The following IGSF21 variants were observed in gnomAD, a reference collection of about 807,000 sequenced individuals.
IGSF21 encodes the protein immunoglobin superfamily member 21, also known as immunoglobulin superfamily member 21.
IGSF21 carries 28 observed loss-of-function variants against 46.8 expected under a neutral mutation model. The observed-to-expected ratio is 0.60, with a 90% confidence interval of 0.44 to 0.82. The LOEUF is 0.82. IGSF21 is among the 40% of genes least tolerant of loss of function. IGSF21 has a pLI of 0.00. For synonymous variants in IGSF21, 284 were observed against 273.6 expected, an observed-to-expected ratio of 1.04 and a Z score of -0.38; for missense variants, 624 against 665.5, an observed-to-expected ratio of 0.94 and a Z score of 0.69.
chr1:18,237,487 C>T (rs1249516083), intron 2 of IGSF21, among the ~76,000 whole-genome samples: 1 of 152,190 alleles, frequency 6.6e-6, no homozygotes, highest in Non-Finnish European at 1.5e-5. Context: ...AGACGAAAAG[C>T]CCCACAGACG....
At chr1:18,141,360 GAGAT>G (rs996778488) in intron 1 of IGSF21, among the ~76,000 whole-genome samples, 21 of 152,230 alleles carry the variant, frequency 1.4e-4, no homozygotes, top group African/African-American at 5.1e-4. Context: ...TGATGAAAAA[GAGAT>G]AGGTTGACTT....
rs535118239 is a variant in IGSF21, at chr1:18,292,007, G to C, written c.305+20G>C. 3.5e-5 allele frequency: 57 copies of C among 1,610,528 alleles called. No individual in the cohort carries two copies. In the Admixed American group the frequency reaches 9.2e-4, roughly 26 times the overall value. On this transcript the variant is annotated intron_variant, in intron 3 of 9. Coordinates refer to ENST00000251296, the MANE Select transcript of IGSF21 (RefSeq NM_032880.5). ...TGTGAGGTGAGTGCCTGGGGGTGGC[G>C]GGCCGACAGCGGGGGAAGGGCGGAG...
At chr1:18,132,721 G>A (rs865896353) in intron 1 of IGSF21, among the ~76,000 whole-genome samples, 15 of 152,120 alleles carry the variant, frequency 9.9e-5, no homozygotes, top group Admixed American at 1.3e-4. Flanking sequence ...TGTGCTCATG[G>A]GTCCCTTGGT....
chr1:18,254,561 C>T (rs2084872608), intron 2 of IGSF21, among the ~76,000 whole-genome samples: 1 of 152,164 alleles, frequency 6.6e-6, no homozygotes, highest in Non-Finnish European at 1.5e-5. Flanking sequence ...CCTGGTCCCT[C>T]TTGTCAGCTG....
intron 1 of IGSF21, among the ~76,000 whole-genome samples, chr1:18,165,131 G>A (rs1320146611): frequency 1.3e-5 from 2 of 151,964 alleles, no homozygotes; most frequent in Non-Finnish European, 1.5e-5. Flanking sequence ...ACAATTTCTA[G>A]GAACTTTTCA....
At chr1:18,141,654 G>A (rs191817824) in intron 1 of IGSF21, among the ~76,000 whole-genome samples, 35 of 152,278 alleles carry the variant, frequency 2.3e-4, no homozygotes, top group East Asian at 1.4e-3. Context: ...TAGGCAAGTC[G>A]CTTTACCTCT....
chr1:18,225,083 TCTCACACACACACACA>T (rs1277145275), intron 1 of IGSF21, among the ~76,000 whole-genome samples: 1 of 54,858 alleles, frequency 1.8e-5, no homozygotes, highest in Non-Finnish European at 4.0e-5. Context: ...TCTCTCTCTC[TCTCACACACACACACA>T]CACACACACA....
chr1:18,275,043 C>A (rs6668703), intron 2 of IGSF21, among the ~76,000 whole-genome samples: 2,803 of 151,996 alleles, frequency 0.018, 109 homozygotes, highest in African/African-American at 0.063. Context: ...AACAAACAAA[C>A]AAAAAAGAAG....
chr1:18,218,340 C>A (rs1390276433), intron 1 of IGSF21, among the ~76,000 whole-genome samples: 1 of 152,204 alleles, frequency 6.6e-6, no homozygotes, highest in East Asian at 1.9e-4. Context: ...AGTCACCTCC[C>A]ACCAGGTCCG....
intron 2 of IGSF21, among the ~76,000 whole-genome samples, chr1:18,291,067 T>G (rs2124564916): frequency 6.6e-6 from 1 of 152,292 alleles, no homozygotes; most frequent in Middle Eastern, 3.4e-3. Context: ...TGCTGCTTCG[T>G]GGAGTAACAC....
At chr1:18,188,922 G>A (rs912937621) in intron 1 of IGSF21, among the ~76,000 whole-genome samples, 2 of 152,240 alleles carry the variant, frequency 1.3e-5, no homozygotes, top group Non-Finnish European at 2.9e-5. Context: ...GCGGTGCTAG[G>A]GCAGTGTGGC....
intron 1 of IGSF21, among the ~76,000 whole-genome samples, chr1:18,153,118 C>A (rs1030978752): frequency 5.9e-5 from 9 of 152,216 alleles, no homozygotes; most frequent in Non-Finnish European, 8.8e-5. Flanking sequence ...TGCCCAGCAG[C>A]AGCCACCACA....
rs2085740672 is a variant in IGSF21 at position 18,334,031 on chromosome 1, G to T, written c.306-861G>T. Among the ~76,000 whole-genome samples, 1 of 152,230 alleles carries T rather than the reference G, an allele frequency of 6.6e-6. No individual in the cohort carries two copies. The highest frequency in any genetic ancestry group is 2.4e-5 in the African/African-American group (1 of 41,458). ...CACCGATTGTAGCTGCTTTTGTGCTGCAAGGACAGGGTTGAATTGCAATTG... is the reference window on the plus strand; with the variant it reads ...CACCGATTGTAGCTGCTTTTGTGCTTCAAGGACAGGGTTGAATTGCAATTG... On this transcript the variant is annotated intron_variant, in intron 3 of 9. Coordinates refer to ENST00000251296, the MANE Select transcript of IGSF21 (RefSeq NM_032880.5). This position sits in a 1 kb window ranked among gnomAD's most constrained non-coding sequence, Gnocchi z 4.3.
At chr1:18,284,217 C>T (rs951709860) in intron 2 of IGSF21, among the ~76,000 whole-genome samples, 3 of 152,226 alleles carry the variant, frequency 2.0e-5, no homozygotes, top group African/African-American at 7.2e-5. Context: ...TGTGCCCAGC[C>T]TTGCAGGGCG....
chr1:18,344,779 C>T (rs1485519752), intron 4 of IGSF21, among the ~76,000 whole-genome samples: 1 of 152,184 alleles, frequency 6.6e-6, no homozygotes, highest in African/African-American at 2.4e-5. Context: ...CCCAGGATGT[C>T]TGCTGGGTGG....
intron 1 of IGSF21, among the ~76,000 whole-genome samples, chr1:18,208,523 A>G (rs1044950522): frequency 1.4e-5 from 2 of 146,514 alleles, no homozygotes. Flanking sequence ...CTGGGACTAC[A>G]GGAGCCCACC....
chr1:18,187,294 A>G (rs1031740529), intron 1 of IGSF21, among the ~76,000 whole-genome samples: 1 of 152,146 alleles, frequency 6.6e-6, no homozygotes, highest in Non-Finnish European at 1.5e-5. Flanking sequence ...TGTCACAAAG[A>G]CACTAATCCC....
intron 1 of IGSF21, among the ~76,000 whole-genome samples, chr1:18,169,079 T>G (rs2086709317): frequency 6.6e-6 from 1 of 152,238 alleles, no homozygotes; most frequent in Non-Finnish European, 1.5e-5. Context: ...GAGCACCCAC[T>G]TGGCAAATGG....
chr1:18,375,955 G>A, intron 6 of IGSF21: 1 of 224,026 alleles, frequency 4.5e-6, no homozygotes, highest in Non-Finnish European at 9.4e-6. Flanking sequence ...TTCCCTCCCT[G>A]ACCCCACTGT....
Sources: gnomAD v4.1 joint callset for allele counts (sites outside exome capture counted in the v4.1 genomes callset) on GRCh38, gnomAD v4.1.1 for gene constraint, Gnocchi (gnomAD v3.1) non-coding constraint, MANE v1.5 for transcripts, NCBI Gene and HGNC (gene_info 2026-07-23, HGNC 2026-07-21) for gene names.